Variants in BICC1 observed in about 807,000 individuals in gnomAD.
BICC1 encodes BicC family RNA binding protein 1.
BICC1 carries 43 observed loss-of-function variants against 111.0 expected under a neutral mutation model. The observed-to-expected ratio is 0.39, with a 90% CI of 0.30 to 0.50. BICC1 has a LOEUF of 0.50. BICC1 is among the 20% of genes least tolerant of loss of function. The probability of loss-of-function intolerance (pLI) is 0.88; values close to 1 mark genes in which losing one functional copy is unlikely to be tolerated. For missense variants in BICC1, 1,091 were observed against 1,203.2 expected (o/e 0.91, Z 1.38); for synonymous variants, 467 against 434.4 (o/e 1.07, Z -0.93).
chr10:58,621,295 A>G (rs1256571018), intron 2 of BICC1, among the ~76,000 whole-genome samples: 2 of 152,320 alleles, frequency 1.3e-5, no homozygotes, highest in Middle Eastern at 3.4e-3. Context: ...TATTTAAATT[A>G]AAACAAATTT....
At chr10:58,786,861 C>A in intron 4 of BICC1, 62 bp from the exon 5 acceptor site, 1 of 1,301,500 alleles carries the variant, frequency 7.7e-7, no homozygotes, top group Non-Finnish European at 1.0e-6. Flanking sequence ...GAGGGAAAGA[C>A]ATTTAGGAGG....
chr10:58,525,826 G>T (rs1842524764), intron 1 of BICC1, among the ~76,000 whole-genome samples: 1 of 151,938 alleles, frequency 6.6e-6, no homozygotes, highest in Non-Finnish European at 1.5e-5. Flanking sequence ...AGTTTATGTA[G>T]TTGCTGGTAT....
At chr10:58,635,118 TTAAC>T (rs1837916207) in intron 2 of BICC1, among the ~76,000 whole-genome samples, 1 of 152,164 alleles carries the variant, frequency 6.6e-6, no homozygotes, top group South Asian at 2.1e-4. Flanking sequence ...ACTGATGGAT[TTAAC>T]TTTCTGTTCA....
At chr10:58,712,518 G>A (rs1389181906) in intron 3 of BICC1, among the ~76,000 whole-genome samples, 4 of 152,164 alleles carry the variant, frequency 2.6e-5, no homozygotes, top group Non-Finnish European at 4.4e-5. Flanking sequence ...ATTATTCAGT[G>A]CTAAAAAGAT....
At chr10:58,526,203 G>GA (rs370176037) in intron 1 of BICC1, among the ~76,000 whole-genome samples, 61 of 145,872 alleles carry the variant, frequency 4.2e-4, no homozygotes, top group African/African-American at 1.2e-3. Flanking sequence ...ACTTTACAGA[G>GA]AAAAAAAAAA....
intron 3 of BICC1, among the ~76,000 whole-genome samples, chr10:58,711,952 A>C (rs1273892412): frequency 6.6e-6 from 1 of 152,134 alleles, no homozygotes; most frequent in East Asian, 1.9e-4. Context: ...TGCAAAAGAC[A>C]CATCTGATGA....
At chr10:58,565,412 G>T (rs1004399852) in intron 1 of BICC1, among the ~76,000 whole-genome samples, 5 of 152,076 alleles carry the variant, frequency 3.3e-5, no homozygotes, top group African/African-American at 1.2e-4. Flanking sequence ...CAGAGGAGCT[G>T]GTCAGTCAAA....
intron 4 of BICC1, among the ~76,000 whole-genome samples, chr10:58,786,488 A>G (rs1843014519): frequency 6.6e-6 from 1 of 152,130 alleles, no homozygotes. Flanking sequence ...TTTGAGCTTT[A>G]TTATTTCTAA....
intron 2 of BICC1, among the ~76,000 whole-genome samples, chr10:58,667,033 T>A (rs1020083): frequency 0.96 from 146,382 of 152,198 alleles, 70,692 homozygotes; most frequent in Middle Eastern, 1. Flanking sequence ...GAAAGAGGCT[T>A]ACAATTTGGT....
At chr10:58,732,257 G>A (rs967033644) in intron 3 of BICC1, among the ~76,000 whole-genome samples, 5 of 148,634 alleles carry the variant, frequency 3.4e-5, no homozygotes, top group African/African-American at 1.3e-4. Flanking sequence ...CGGCGGGTGG[G>A]GATGGGGAGA....
At chr10:58,726,005 T>C (rs1357444345) in intron 3 of BICC1, among the ~76,000 whole-genome samples, 1 of 152,224 alleles carries the variant, frequency 6.6e-6, no homozygotes, top group Non-Finnish European at 1.5e-5. Flanking sequence ...ATTTCACTTA[T>C]AAAATTTAGC....
rs930722854 is a variant in BICC1 at position 58,542,039 on chromosome 10, T to A, written c.190+28706T>A. ...AGTGATGTGTGCCTTTGGTCCTAGC[T>A]AATCTGGAGGCTAAGGTGGGAGAAT... On this transcript the variant is annotated intron_variant, in intron 1 of 20. Transcript: ENST00000373886. Among the ~76,000 whole-genome samples, 8 of 150,230 alleles carry A rather than the reference T, an allele frequency of 5.3e-5. No homozygotes were observed. In the Admixed American group the frequency reaches 5.4e-4, roughly 10 times the overall value.
intron 2 of BICC1, among the ~76,000 whole-genome samples, chr10:58,680,862 A>AGGTC (rs1168850590): frequency 6.6e-6 from 1 of 152,238 alleles, no homozygotes; most frequent in Non-Finnish European, 1.5e-5. Context: ...CCTCTGAAAT[A>AGGTC]GGTCCACATG....
chr10:58,826,020 G>T (rs1187819037), intron 20 of BICC1, among the ~76,000 whole-genome samples: 2 of 151,994 alleles, frequency 1.3e-5, no homozygotes, highest in East Asian at 3.9e-4. Context: ...GGAAATTTGA[G>T]AAGCCATTGC....
chr10:58,687,225 C>T (rs964598461), intron 2 of BICC1, among the ~76,000 whole-genome samples: 1 of 152,224 alleles, frequency 6.6e-6, no homozygotes, highest in African/African-American at 2.4e-5. Flanking sequence ...CCTGATCCTT[C>T]TTCTGGAAGT....
rs1264947831 is a variant in BICC1, at chr10:58,533,612, A to G, written c.190+20279A>G. Among the ~76,000 whole-genome samples, 5 of 152,012 alleles carry G rather than the reference A, an allele frequency of 3.3e-5. No homozygotes were observed. The East Asian group carries it at 9.7e-4, about 30-fold the overall frequency. On this transcript the variant is annotated intron_variant, in intron 1 of 20. Coordinates refer to ENST00000373886, the MANE Select transcript of BICC1 (RefSeq NM_001080512.3). ...GCAAGACTTTTAAAAGTGAAGAATA[A>G]ATAAAGACCTTTCTGGATAAACAAA...
intron 1 of BICC1, among the ~76,000 whole-genome samples, chr10:58,569,613 C>T (rs1385922974): frequency 2.6e-5 from 4 of 152,122 alleles, no homozygotes; most frequent in Non-Finnish European, 4.4e-5. Context: ...TGTTGTTCAC[C>T]TCCCACTTAC....
chr10:58,672,292 C>G (rs1054274363), intron 2 of BICC1, among the ~76,000 whole-genome samples: 3 of 152,246 alleles, frequency 2.0e-5, no homozygotes, highest in African/African-American at 7.2e-5. Context: ...ACTTTCTTCT[C>G]TCTCATTCAG....
intron 18 of BICC1, among the ~76,000 whole-genome samples, chr10:58,816,300 A>G (rs1844085332): frequency 1.3e-5 from 2 of 151,984 alleles, no homozygotes; most frequent in Admixed American, 1.3e-4. Context: ...AACTGTTTTT[A>G]TGACTTTGGG....
Sources: allele counts gnomAD v4.1 joint callset (sites outside exome capture counted in the v4.1 genomes callset), GRCh38; gene constraint gnomAD v4.1.1; transcripts MANE v1.5; gene names NCBI Gene and HGNC (gene_info 2026-07-23, HGNC 2026-07-21).